The following MAGI2 variants were observed in gnomAD, a reference collection of about 807,000 sequenced individuals.
The protein encoded by MAGI2 is membrane associated guanylate kinase, WW and PDZ domain containing 2.
In MAGI2, 35 loss-of-function variants were observed where a neutral mutation model predicts 133.3. That is an observed-to-expected ratio of 0.26 (90% CI 0.20 to 0.35). The LOEUF (loss-of-function observed/expected upper bound fraction) is 0.35. MAGI2 is among the 10% of genes least tolerant of loss of function. The pLI is 1.00. For missense variants in MAGI2, 1,636 were observed against 1,863.4 expected (o/e 0.88, Z 2.25); for synonymous variants, 729 against 710.6 (o/e 1.03, Z -0.41).
chr7:78,741,826 T>C (rs892276177), intron 2 of MAGI2, among the ~76,000 whole-genome samples: 2 of 152,114 alleles, frequency 1.3e-5, no homozygotes, highest in Non-Finnish European at 2.9e-5. Flanking sequence ...TATGACGACC[T>C]ATACATATAG....
intron 9 of MAGI2, among the ~76,000 whole-genome samples, chr7:78,262,860 G>A (rs1465987018): frequency 2.0e-5 from 3 of 152,180 alleles, no homozygotes; most frequent in Non-Finnish European, 4.4e-5. Flanking sequence ...GGATACATGC[G>A]TAGGTTTGTT....
intron 2 of MAGI2, among the ~76,000 whole-genome samples, chr7:78,665,812 C>G (rs891978912): frequency 3.3e-5 from 5 of 152,066 alleles, no homozygotes; most frequent in African/African-American, 1.2e-4. Flanking sequence ...TTAAACTAAT[C>G]TTTGTTGAAC....
chr7:79,107,092 C>A (rs529038863), intron 1 of MAGI2, among the ~76,000 whole-genome samples: 222 of 152,224 alleles, frequency 1.5e-3, no homozygotes, highest in Non-Finnish European at 2.6e-3. Context: ...GCAGATGTAA[C>A]TAGGGTTACA....
At position 79,273,236 on chromosome 7, in the gene MAGI2, C is replaced by CAA. The variant is rs5885123; in HGVS notation, c.301+179782_301+179783dup. On this transcript the variant is annotated intron_variant, in intron 1 of 21. Transcript: ENST00000354212. ...TTAAATCACCCTTAAGATGGTAGGC[C>CAA]AAAAAAAAATAGTTTTGAAGGCTGC... 4.1e-3 allele frequency among the ~76,000 whole-genome samples: 610 copies of CAA among 150,140 alleles called. 2 individuals are homozygous for CAA. The highest frequency in any genetic ancestry group is 0.013 in the African/African-American group (527 of 40,860).
chr7:78,558,251 C>T (rs776232704), intron 3 of MAGI2, among the ~76,000 whole-genome samples: 9 of 152,022 alleles, frequency 5.9e-5, no homozygotes, highest in African/African-American at 9.7e-5. Context: ...AAGAGACAAA[C>T]GTTAATTTAA....
chr7:79,315,325 A>ATTTTTTTTTTTTTTT (rs775143230), intron 1 of MAGI2, among the ~76,000 whole-genome samples: 2 of 92,496 alleles, frequency 2.2e-5, no homozygotes, highest in South Asian at 3.6e-4. Flanking sequence ...TGCCCAGTTA[A>ATTTTTTTTTTTTTTT]TTTTTTTTTT....
At chr7:78,896,801 C>T (rs923926217) in intron 2 of MAGI2, among the ~76,000 whole-genome samples, 2 of 152,030 alleles carry the variant, frequency 1.3e-5, no homozygotes, top group Non-Finnish European at 2.9e-5. Flanking sequence ...CTCTAATTGG[C>T]TTTTACCAGT....
chr7:79,145,359 T>C (rs1310385447), intron 1 of MAGI2, among the ~76,000 whole-genome samples: 1 of 152,200 alleles, frequency 6.6e-6, no homozygotes, highest in Non-Finnish European at 1.5e-5. Flanking sequence ...AGGTAAGGCA[T>C]GATGTTCGAT....
chr7:78,990,063 G>C (rs1805616191), intron 2 of MAGI2, among the ~76,000 whole-genome samples: 1 of 151,950 alleles, frequency 6.6e-6, no homozygotes, highest in Non-Finnish European at 1.5e-5. Context: ...ATAAGGACTT[G>C]TAACAACCAA....
intron 2 of MAGI2, among the ~76,000 whole-genome samples, chr7:78,816,732 GA>G (rs556701236): frequency 2.8e-4 from 42 of 148,226 alleles, no homozygotes; most frequent in Non-Finnish European, 3.6e-4. Context: ...CTACTGCTTA[GA>G]AAAAAAAAAG....
chr7:79,168,889 GATATATATATATATATAT>G lies in MAGI2; in HGVS notation c.302-161701_302-161684del, dbSNP rs1182056135. On this transcript the variant is annotated intron_variant, in intron 1 of 21. Coordinates refer to ENST00000354212, the MANE Select transcript of MAGI2 (RefSeq NM_012301.4). ...TGCCAGGTTTTTCTTTCTAAAGATA[GATATATATATATATATAT>G]ATATATATATATATATATATATATA... Among the ~76,000 whole-genome samples, 30 of 14,632 alleles carry G rather than the reference GATATATATATATATATAT, an allele frequency of 2.1e-3. No homozygotes were observed. In the South Asian group the frequency reaches 0.024, roughly 12 times the overall value. The allele number at this position is 14,632 out of a possible 152,430, so 9.6% of individuals were successfully genotyped here. A position where few individuals can be genotyped will look rare whatever the true frequency, so the allele number is the denominator to read the frequency against.
intron 9 of MAGI2, among the ~76,000 whole-genome samples, chr7:78,334,470 G>A (rs1248897475): frequency 2.6e-5 from 4 of 152,192 alleles, no homozygotes; most frequent in Non-Finnish European, 5.9e-5. Flanking sequence ...ATTCCCAGAA[G>A]CCACTTAATG....
chr7:78,604,592 A>T (rs1805600213), intron 3 of MAGI2, among the ~76,000 whole-genome samples: 1 of 152,238 alleles, frequency 6.6e-6, no homozygotes. Flanking sequence ...AACAAAATAG[A>T]CATAAATCCC....
At chr7:78,893,211 A>G (rs1796917317) in intron 2 of MAGI2, among the ~76,000 whole-genome samples, 3 of 152,136 alleles carry the variant, frequency 2.0e-5, no homozygotes, top group Non-Finnish European at 4.4e-5. Flanking sequence ...AATGGCAATC[A>G]TTAAAAAGTC....
At chr7:78,275,520 G>C (rs1018978053) in intron 9 of MAGI2, among the ~76,000 whole-genome samples, 1 of 151,888 alleles carries the variant, frequency 6.6e-6, no homozygotes, top group Non-Finnish European at 1.5e-5. Flanking sequence ...TATTTGAATG[G>C]GCTAGTCAGC....
At chr7:78,048,483 C>T (rs1461940072) in intron 21 of MAGI2, among the ~76,000 whole-genome samples, 1 of 152,078 alleles carries the variant, frequency 6.6e-6, no homozygotes, top group African/African-American at 2.4e-5. Flanking sequence ...GCCAATGCCC[C>T]CCTCCACCGA....
chr7:78,380,812 C>T (rs775063486), intron 6 of MAGI2, among the ~76,000 whole-genome samples: 82 of 152,224 alleles, frequency 5.4e-4, no homozygotes, highest in Non-Finnish European at 8.4e-4. Context: ...GATTATTATG[C>T]ATTGCACGCC....
At chr7:78,188,699 A>G (rs528163603) in intron 12 of MAGI2, among the ~76,000 whole-genome samples, 1 of 152,202 alleles carries the variant, frequency 6.6e-6, no homozygotes, top group South Asian at 2.1e-4. Context: ...GATCTAGCAC[A>G]GTGTTCACAT....
chr7:79,073,148 T>A (rs1014472878), intron 1 of MAGI2, among the ~76,000 whole-genome samples: 1 of 152,174 alleles, frequency 6.6e-6, no homozygotes, highest in African/African-American at 2.4e-5. Flanking sequence ...CTTCAAGAAT[T>A]AAACCCTTGG....
Sources: allele counts gnomAD v4.1 joint callset (sites outside exome capture counted in the v4.1 genomes callset), GRCh38; gene constraint gnomAD v4.1.1; transcripts MANE v1.5; gene names NCBI Gene and HGNC (gene_info 2026-07-23, HGNC 2026-07-21).